The following TTC27 variants were observed in gnomAD, a reference collection of about 807,000 sequenced individuals.
TTC27 encodes tetratricopeptide repeat domain 27.
Under a neutral mutation model 115.9 loss-of-function variants are expected in TTC27, and 79 were observed. That is an observed-to-expected ratio of 0.68 (90% CI 0.57 to 0.82). The LOEUF (loss-of-function observed/expected upper bound fraction) is 0.82, where lower values mean the gene tolerates loss of function less well. Among genes scored for constraint, TTC27 ranks in the 40% least tolerant of loss-of-function variants. The pLI is 0.00. For synonymous variants in TTC27, 401 were observed against 356.0 expected, an observed-to-expected ratio of 1.13 and a Z score of -1.42; for missense variants, 1,054 against 993.1, an observed-to-expected ratio of 1.06 and a Z score of -0.82.
intron 12 of TTC27, among the ~76,000 whole-genome samples, chr2:32,741,916 GA>G (rs1347128520): frequency 6.6e-6 from 1 of 152,080 alleles, no homozygotes; most frequent in African/African-American, 2.4e-5. Flanking sequence ...ACTCCCATTT[GA>G]ACCTTCTAAC....
chr2:32,674,774 G>A (rs1026352077), intron 8 of TTC27, among the ~76,000 whole-genome samples: 8 of 151,424 alleles, frequency 5.3e-5, no homozygotes, highest in Non-Finnish European at 8.8e-5. Context: ...ATTCTTCTGC[G>A]TCAGCCTCCT....
chr2:32,722,244 T>C (rs1266627825), intron 10 of TTC27, among the ~76,000 whole-genome samples: 1 of 152,218 alleles, frequency 6.6e-6, no homozygotes, highest in East Asian at 1.9e-4. Context: ...ATCTGAGATA[T>C]GAACATGTGT....
At chr2:32,815,365 C>G (rs1270866134) in intron 18 of TTC27, among the ~76,000 whole-genome samples, 2 of 150,740 alleles carry the variant, frequency 1.3e-5, no homozygotes, top group Admixed American at 6.6e-5. Context: ...GCCTCCCAAG[C>G]CAGCTGGGAC....
intron 16 of TTC27, among the ~76,000 whole-genome samples, chr2:32,803,826 C>T (rs1558352597): frequency 6.6e-6 from 1 of 151,768 alleles, no homozygotes; most frequent in African/African-American, 2.4e-5. Flanking sequence ...GCCAACATGG[C>T]GAAAACCCAT....
chr2:32,655,369 A>T (rs757759178), intron 5 of TTC27, among the ~76,000 whole-genome samples: 9 of 150,942 alleles, frequency 6.0e-5, no homozygotes, highest in Non-Finnish European at 8.9e-5. Flanking sequence ...CTGGTCTTGA[A>T]CTCCTGGCAT....
intron 10 of TTC27, among the ~76,000 whole-genome samples, chr2:32,708,301 C>CTTTTTTTTTTTTTTTTTTTTTT (rs1159740039): frequency 1.2e-5 from 1 of 80,298 alleles, no homozygotes; most frequent in Non-Finnish European, 2.5e-5. Flanking sequence ...TTTTCTCTAC[C>CTTTTTTTTTTTTTTTTTTTTTT]TTGTTTTTTT....
intron 4 of TTC27, among the ~76,000 whole-genome samples, chr2:32,647,540 T>C (rs984343906): frequency 2.6e-5 from 4 of 152,228 alleles, no homozygotes; most frequent in African/African-American, 9.6e-5. Flanking sequence ...GATTTTGTCA[T>C]GGAGTCAAAA....
At chr2:32,769,411 A>G (rs1669752901) in intron 13 of TTC27, among the ~76,000 whole-genome samples, 1 of 152,234 alleles carries the variant, frequency 6.6e-6, no homozygotes, top group African/African-American at 2.4e-5. Flanking sequence ...AGATGAAGAA[A>G]TGGAGATAGA....
chr2:32,751,777 C>T (rs1338889071), intron 12 of TTC27, among the ~76,000 whole-genome samples: 1 of 152,140 alleles, frequency 6.6e-6, no homozygotes, highest in African/African-American at 2.4e-5. Flanking sequence ...TTTCAGAGTC[C>T]TTCCTGAATG....
chr2:32,742,841 A>G (rs557477539), intron 12 of TTC27, among the ~76,000 whole-genome samples: 1 of 152,200 alleles, frequency 6.6e-6, no homozygotes, highest in Non-Finnish European at 1.5e-5. Flanking sequence ...GTAGAAGGCT[A>G]GAATTAGACT....
rs1665287945 is a variant in TTC27, at chr2:32,655,651, C to T, written c.640+5418C>T. Among the ~76,000 whole-genome samples the T allele has an allele frequency of 2.0e-5, 3 of 152,058 alleles. 1 individual carries two copies. Among genetic ancestry groups the T allele is most frequent in the Admixed American group, 2.0e-4 (3 of 15,242 alleles). On this transcript the variant is annotated intron_variant, in intron 5 of 19. Transcript: ENST00000317907. The stretch of plus-strand genomic sequence containing the variant: ...GGAAGTTTGCATCTAAAAAATTATC[C>T]CCTTTTTTGTTGGACAGTTTCAGAG...
intron 16 of TTC27, among the ~76,000 whole-genome samples, chr2:32,810,005 T>C (rs919114895): frequency 5.3e-5 from 8 of 151,660 alleles, no homozygotes; most frequent in Non-Finnish European, 7.4e-5. Context: ...TAGTCCCAGC[T>C]ACTTGGGAGG....
Position 32,630,455 on chromosome 2 carries a change from T to C in TTC27, c.89-68T>C, listed in dbSNP as rs138590010. The C allele has an allele frequency of 7.0e-3, 8,648 of 1,238,236 alleles. 47 individuals are homozygous for C. The highest frequency in any genetic ancestry group is 9.4e-3 in the Admixed American group (408 of 43,438). 76.7% of individuals were successfully genotyped at this position (1,238,236 alleles called of 1,614,324 possible). Reference sequence around the variant, plus strand: ...ACACTAAAATGGTAGATTTACCTAATAGTGTTATCCTTTACGGTATGAAAA... The same window carrying C: ...ACACTAAAATGGTAGATTTACCTAACAGTGTTATCCTTTACGGTATGAAAA... On this transcript the variant is annotated intron_variant, in intron 1 of 19. Coordinates refer to ENST00000317907, the MANE Select transcript of TTC27 (RefSeq NM_017735.5).
chr2:32,729,259 C>G (rs1668212345), intron 10 of TTC27, among the ~76,000 whole-genome samples: 2 of 152,194 alleles, frequency 1.3e-5, no homozygotes, highest in Non-Finnish European at 2.9e-5. Context: ...CTAAATCATA[C>G]CAGACATTTT....
intron 12 of TTC27, among the ~76,000 whole-genome samples, chr2:32,737,414 G>A (rs951639777): frequency 1.3e-5 from 2 of 152,050 alleles, no homozygotes; most frequent in Non-Finnish European, 2.9e-5. Context: ...CTGACACATT[G>A]AAATCATATG....
intron 10 of TTC27, among the ~76,000 whole-genome samples, chr2:32,732,841 G>A (rs1393590650): frequency 3.9e-5 from 6 of 152,116 alleles, no homozygotes; most frequent in Non-Finnish European, 8.8e-5. Flanking sequence ...TCATAAGAGA[G>A]GCCTGTGAAA....
intron 7 of TTC27, among the ~76,000 whole-genome samples, chr2:32,670,483 T>A (rs1030099133): frequency 6.6e-5 from 10 of 152,320 alleles, no homozygotes; most frequent in African/African-American, 2.2e-4. Flanking sequence ...CTTAATGGTT[T>A]CAAGATTCAT....
intron 5 of TTC27, among the ~76,000 whole-genome samples, chr2:32,651,053 A>C (rs1665104934): frequency 6.6e-6 from 1 of 152,120 alleles, no homozygotes; most frequent in South Asian, 2.1e-4. Context: ...GTGGTGAAGG[A>C]ATATGTGAAC....
intron 8 of TTC27, among the ~76,000 whole-genome samples, chr2:32,674,140 G>GA (rs1307027536): frequency 6.6e-6 from 1 of 150,942 alleles, no homozygotes; most frequent in Non-Finnish European, 1.5e-5. Flanking sequence ...GGGAACATTT[G>GA]AAAAAATCTT....
Sources: gnomAD v4.1 joint callset for allele counts (sites outside exome capture counted in the v4.1 genomes callset) on GRCh38, gnomAD v4.1.1 for gene constraint, MANE v1.5 for transcripts, NCBI Gene and HGNC (gene_info 2026-07-23, HGNC 2026-07-21) for gene names.